Variants in TCF4 observed in about 807,000 individuals in gnomAD.
The protein encoded by TCF4 is transcription factor 4, also known as SL3-3 enhancer factor 2.
TCF4 carries 3 observed loss-of-function variants against 82.1 expected under a neutral mutation model. That is an observed-to-expected ratio of 0.04 (90% confidence interval 0.02 to 0.09). The LOEUF (loss-of-function observed/expected upper bound fraction) is 0.09, where lower values mean the gene tolerates loss of function less well. Ranked by LOEUF, TCF4 falls within the 10% of genes least tolerant of loss-of-function variation. TCF4 has a pLI of 1.00. For synonymous variants in TCF4, 276 were observed against 309.6 expected (o/e 0.89, Z 1.14); for missense variants, 518 against 852.7 (o/e 0.61, Z 4.89).
At chr18:55,416,433 C>T (rs1016497680) in intron 5 of TCF4, among the ~76,000 whole-genome samples, 2 of 152,172 alleles carry the variant, frequency 1.3e-5, no homozygotes, top group Non-Finnish European at 2.9e-5. Context: ...CTGCCACTGT[C>T]CCTCCACCTA....
intron 3 of TCF4, among the ~76,000 whole-genome samples, chr18:55,486,653 C>T (rs2096520017): frequency 6.6e-6 from 1 of 152,044 alleles, no homozygotes; most frequent in Admixed American, 6.6e-5. Flanking sequence ...TTGGAGAGCA[C>T]AAAGAAGTGA....
chr18:55,310,414 A>C (rs2071956601), intron 8 of TCF4, among the ~76,000 whole-genome samples: 1 of 152,202 alleles, frequency 6.6e-6, no homozygotes, highest in South Asian at 2.1e-4. Context: ...GGCTCAAGTT[A>C]CTGTGAGGCT....
chr18:55,417,997 G>A (rs1374351823), intron 5 of TCF4, among the ~76,000 whole-genome samples: 4 of 138,504 alleles, frequency 2.9e-5, no homozygotes, highest in Non-Finnish European at 6.1e-5. Context: ...TGATTTTCTT[G>A]AGCAAATGTG....
intron 8 of TCF4, among the ~76,000 whole-genome samples, chr18:55,286,318 T>TC (rs1239714384): frequency 1.3e-5 from 2 of 150,986 alleles, no homozygotes; most frequent in Admixed American, 6.6e-5. Context: ...TTTTTTTTTT[T>TC]CAGATGTTCC....
intron 3 of TCF4, among the ~76,000 whole-genome samples, chr18:55,491,679 C>T (rs2096578689): frequency 6.6e-6 from 1 of 152,228 alleles, no homozygotes. Context: ...CAGGCTCTTG[C>T]TCCTGATCAC....
At chr18:55,632,789 A>G (rs571861358) in intron 1 of TCF4, among the ~76,000 whole-genome samples, 1 of 152,358 alleles carries the variant, frequency 6.6e-6, no homozygotes, top group Non-Finnish European at 1.5e-5. Flanking sequence ...ACAGAAGGCC[A>G]GAGTTGTAGT....
chr18:55,425,748 G>A (rs551705244), intron 5 of TCF4, among the ~76,000 whole-genome samples: 1 of 152,226 alleles, frequency 6.6e-6, no homozygotes, highest in African/African-American at 2.4e-5. Context: ...AAGATCAAAG[G>A]AACTAAAACA....
At chr18:55,292,298 C>T (rs2065273828) in intron 8 of TCF4, among the ~76,000 whole-genome samples, 1 of 151,938 alleles carries the variant, frequency 6.6e-6, no homozygotes, top group African/African-American at 2.4e-5. Context: ...TATTTCTTTC[C>T]AAGAAATGTA....
chr18:55,306,374 T>C (rs575715763), intron 8 of TCF4, among the ~76,000 whole-genome samples: 2 of 152,334 alleles, frequency 1.3e-5, no homozygotes, highest in South Asian at 4.1e-4. Flanking sequence ...ATACTACTGA[T>C]TCCAAATGAA....
At chr18:55,529,916 C>G (rs2097039571) in intron 3 of TCF4, among the ~76,000 whole-genome samples, 1 of 152,090 alleles carries the variant, frequency 6.6e-6, no homozygotes, top group Non-Finnish European at 1.5e-5. Flanking sequence ...TGTCCTAGAA[C>G]TCAGACTTAG....
At chr18:55,248,028 T>C (rs2053835518) in intron 15 of TCF4, among the ~76,000 whole-genome samples, 1 of 152,222 alleles carries the variant, frequency 6.6e-6, no homozygotes, top group East Asian at 1.9e-4. Flanking sequence ...GAGATTTCAG[T>C]AGAGATAATC....
At chr18:55,429,567 C>G (rs914407252) in intron 5 of TCF4, among the ~76,000 whole-genome samples, 2 of 152,070 alleles carry the variant, frequency 1.3e-5, no homozygotes, top group Admixed American at 1.3e-4. Context: ...TCAAGACCAT[C>G]TGGCTAACAC....
At chr18:55,592,652 C>T (rs937448130), upstream of TCF4, among the ~76,000 whole-genome samples, 7 of 152,106 alleles carry the variant, frequency 4.6e-5, no homozygotes, top group African/African-American at 1.2e-4. Flanking sequence ...CTTGCCCCAG[C>T]CCCACCAGCC....
chr18:55,236,344 A>T (rs1335164932), intron 15 of TCF4, among the ~76,000 whole-genome samples: 1 of 152,086 alleles, frequency 6.6e-6, no homozygotes, highest in Non-Finnish European at 1.5e-5. Context: ...ACTGAGACTG[A>T]TATCTCCCAA....
chr18:55,418,003 ATGTGTGTGTGTGTGTGTGTGTG>A (rs201657057), intron 5 of TCF4, among the ~76,000 whole-genome samples: 2 of 143,386 alleles, frequency 1.4e-5, no homozygotes, highest in East Asian at 2.1e-4. Flanking sequence ...TCTTGAGCAA[ATGTGTGTGTGTGTGTGTGTGTG>A]TGTGTGTGTG....
At chr18:55,337,812 T>C (rs2078969766) in intron 8 of TCF4, among the ~76,000 whole-genome samples, 1 of 152,108 alleles carries the variant, frequency 6.6e-6, no homozygotes. Context: ...TGATCAGCAG[T>C]GAGATTTTGT....
chr18:55,370,042 C>T (rs1392681921), intron 6 of TCF4, among the ~76,000 whole-genome samples: 1 of 152,172 alleles, frequency 6.6e-6, no homozygotes, highest in Admixed American at 6.5e-5. Flanking sequence ...GCCTTCATAG[C>T]TGGAAGGCTG....
chr18:55,331,817 G>C (rs1012454758), intron 8 of TCF4, among the ~76,000 whole-genome samples: 1 of 152,192 alleles, frequency 6.6e-6, no homozygotes, highest in Admixed American at 6.5e-5. Flanking sequence ...ATCTGCTGAG[G>C]ATCAGGGATG....
intron 2 of TCF4, among the ~76,000 whole-genome samples, chr18:55,618,176 T>C (rs1428434425): frequency 6.6e-6 from 1 of 152,198 alleles, no homozygotes; most frequent in Non-Finnish European, 1.5e-5. Flanking sequence ...TTACAAAAGT[T>C]TTGAATTTCA....
Sources: gnomAD v4.1 joint callset for allele counts (sites outside exome capture counted in the v4.1 genomes callset) on GRCh38, gnomAD v4.1.1 for gene constraint, MANE v1.5 for transcripts, NCBI Gene and HGNC (gene_info 2026-07-23, HGNC 2026-07-21) for gene names.